PUDP: variants seen among roughly 807,000 people sequenced by gnomAD.
The protein encoded by PUDP is pseudouridine-5'-phosphatase.
A neutral mutation model predicts 9.4 loss-of-function variants in PUDP; 8 were observed. The ratio of observed to expected loss-of-function variants is 0.85; its 90% confidence interval spans 0.50 to 1.53. PUDP has a LOEUF of 1.53. Ranked by LOEUF, PUDP falls within the 40% of genes most tolerant of loss-of-function variation. PUDP has a pLI of 0.00. For synonymous variants in PUDP, 99 were observed against 80.7 expected, an observed-to-expected ratio of 1.23 and a Z score of -1.22; for missense variants, 188 against 189.7, an observed-to-expected ratio of 0.99 and a Z score of 0.05.
intron 3 of PUDP, among the ~76,000 whole-genome samples, chrX:6,940,188 T>C (rs919977752): frequency 2.6e-5 from 3 of 113,581 alleles, no homozygotes; most frequent in African/African-American, 9.6e-5. Context: ...GATAGCCAAC[T>C]ATGGCCCATT....
At chrX:7,072,235 T>C (rs1025947839) in intron 3 of PUDP, among the ~76,000 whole-genome samples, 5 of 111,119 alleles carry the variant, frequency 4.5e-5, no homozygotes, top group African/African-American at 1.6e-4. Context: ...CGAAAAAGAG[T>C]AGAATCTACC....
chrX:6,729,545 C>T (rs945836644), intron 3 of PUDP, among the ~76,000 whole-genome samples: 5 of 111,996 alleles, frequency 4.5e-5, no homozygotes, highest in Middle Eastern at 4.6e-3. Context: ...CTCAAATATC[C>T]GGGGTTCACA....
intron 3 of PUDP, among the ~76,000 whole-genome samples, chrX:6,945,919 G>A (rs1928457915): frequency 9.0e-6 from 1 of 111,227 alleles, no homozygotes; most frequent in Non-Finnish European, 1.9e-5. Flanking sequence ...GCCACGACGA[G>A]ACGGGGTGTC....
At chrX:6,730,024 C>T (rs1017694999) in intron 3 of PUDP, among the ~76,000 whole-genome samples, 22 of 112,199 alleles carry the variant, frequency 2.0e-4, no homozygotes, top group African/African-American at 5.2e-4. Flanking sequence ...GCACCCTCTG[C>T]GCAGAAGTAA....
intron 3 of PUDP, among the ~76,000 whole-genome samples, chrX:7,062,718 G>C (rs1042902293): frequency 1.8e-5 from 2 of 109,169 alleles, no homozygotes; most frequent in Non-Finnish European, 3.8e-5. Context: ...GCTGGGGAGG[G>C]TGAGATGAGG....
At chrX:7,103,388 C>T (rs973255673) in intron 2 of PUDP, among the ~76,000 whole-genome samples, 6 of 112,316 alleles carry the variant, frequency 5.3e-5, no homozygotes, top group Admixed American at 1.9e-4. Context: ...CTAATTAACA[C>T]CATACACAAG....
At chrX:6,807,716 G>A (rs1926074730) in intron 3 of PUDP, among the ~76,000 whole-genome samples, 1 of 111,949 alleles carries the variant, frequency 8.9e-6, no homozygotes, top group Non-Finnish European at 1.9e-5. Flanking sequence ...CCCAGCTGCC[G>A]GCCCAAAGAT....
At chrX:6,833,848 C>A (rs754187544) in intron 3 of PUDP, among the ~76,000 whole-genome samples, 4 of 111,844 alleles carry the variant, frequency 3.6e-5, no homozygotes, top group African/African-American at 1.3e-4. Context: ...TTTCCATGAG[C>A]CTGACCCATA....
intron 1 of PUDP, among the ~76,000 whole-genome samples, chrX:7,040,987 A>T (rs905168581): frequency 1.8e-5 from 2 of 111,500 alleles, no homozygotes; most frequent in African/African-American, 3.3e-5. Context: ...TTTGCTTCTC[A>T]TCCTCCCCTT....
At chrX:6,744,144 G>A (rs1294544393) in intron 3 of PUDP, among the ~76,000 whole-genome samples, 1 of 111,668 alleles carries the variant, frequency 9.0e-6, no homozygotes, top group Non-Finnish European at 1.9e-5. Context: ...GTTTGAAGGA[G>A]GACAATTTTG....
At chrX:6,783,426 A>C (rs1294096176) in intron 3 of PUDP, among the ~76,000 whole-genome samples, 1 of 111,286 alleles carries the variant, frequency 9.0e-6, no homozygotes, top group Non-Finnish European at 1.9e-5. Context: ...TTTGCTTTGC[A>C]CTGTGGACTC....
chrX:6,967,994 T>C (rs1307921873), intron 3 of PUDP, among the ~76,000 whole-genome samples: 1 of 112,223 alleles, frequency 8.9e-6, no homozygotes, highest in Non-Finnish European at 1.9e-5. Context: ...CTCAGTCCAT[T>C]AGCTTTAGAT....
At chrX:6,901,042 C>A (rs1927677591) in intron 3 of PUDP, among the ~76,000 whole-genome samples, 1 of 111,444 alleles carries the variant, frequency 9.0e-6, no homozygotes, top group African/African-American at 3.3e-5. Flanking sequence ...TCCAAAAGTG[C>A]TGAGACTACA....
chrX:6,752,445 T>A (rs187646578), intron 3 of PUDP, among the ~76,000 whole-genome samples: 1 of 111,883 alleles, frequency 8.9e-6, no homozygotes, highest in African/African-American at 3.2e-5. Context: ...TATGCAAAGG[T>A]GGCCTGATCC....
chrX:6,875,538 C>T (rs926926341), intron 3 of PUDP, among the ~76,000 whole-genome samples: 2 of 111,463 alleles, frequency 1.8e-5, no homozygotes, highest in Admixed American at 9.6e-5. Flanking sequence ...TCCAGACCAA[C>T]GTTAACAAAA....
intron 3 of PUDP, among the ~76,000 whole-genome samples, chrX:6,751,899 C>G (rs994921746): frequency 5.4e-5 from 6 of 110,859 alleles, no homozygotes; most frequent in Non-Finnish European, 1.1e-4. Flanking sequence ...GGCAGCATCA[C>G]CTGTGCTTCT....
At chrX:6,971,754 A>G (rs1020129467) in intron 3 of PUDP, among the ~76,000 whole-genome samples, 1 of 111,632 alleles carries the variant, frequency 9.0e-6, no homozygotes, top group Admixed American at 9.5e-5. Context: ...CTGTGAAGAA[A>G]GTCAGTGGTA....
intron 3 of PUDP, among the ~76,000 whole-genome samples, chrX:6,898,526 T>TC (rs1924214598): frequency 8.9e-6 from 1 of 111,830 alleles, no homozygotes; most frequent in Non-Finnish European, 1.9e-5. Context: ...GTGACTCTGG[T>TC]TACTTTTTAA....
intron 1 of PUDP, among the ~76,000 whole-genome samples, chrX:7,003,389 AGGTGTTGGGTGC>A (rs1804044194): frequency 9.0e-6 from 1 of 111,311 alleles, no homozygotes; most frequent in African/African-American, 3.3e-5. Context: ...CTGTGACTCA[AGGTGTTGGGTGC>A]GGTGGCCAAT....
Sources: allele counts gnomAD v4.1 joint callset (sites outside exome capture counted in the v4.1 genomes callset), GRCh38; gene constraint gnomAD v4.1.1; transcripts MANE v1.5; gene names NCBI Gene and HGNC (gene_info 2026-07-23, HGNC 2026-07-21).